Variants in SNX2 observed in about 807,000 individuals in gnomAD.
SNX2 encodes the protein sorting nexin-2.
SNX2 carries 25 observed loss-of-function variants against 69.9 expected under a neutral mutation model. That is an observed-to-expected ratio of 0.36 (90% CI 0.26 to 0.50). The LOEUF is 0.50. SNX2 is among the 20% of genes least tolerant of loss of function. The probability of loss-of-function intolerance (pLI) is 0.97; values close to 1 mark genes in which losing one functional copy is unlikely to be tolerated. For synonymous variants in SNX2, 229 were observed against 200.4 expected (o/e 1.14, Z -1.20); for missense variants, 551 against 613.3 (o/e 0.90, Z 1.07).
At chr5:122,785,046 G>T (rs750962118) in intron 1 of SNX2, among the ~76,000 whole-genome samples, 2 of 152,114 alleles carry the variant, frequency 1.3e-5, no homozygotes, top group Non-Finnish European at 2.9e-5. Context: ...TGTGGAGTCT[G>T]TGGATGGTAA....
chr5:122,809,885 A>C (rs1753730878), intron 7 of SNX2, among the ~76,000 whole-genome samples: 2 of 152,244 alleles, frequency 1.3e-5, no homozygotes. Context: ...GCAGTTACCC[A>C]GAAAAAGGAT....
At chr5:122,801,651 T>C (rs1321295856) in intron 3 of SNX2, among the ~76,000 whole-genome samples, 48 of 59,938 alleles carry the variant, frequency 8.0e-4, no homozygotes, top group Admixed American at 1.9e-4. Context: ...ATGGTCTTTT[T>C]CGTGTGTGTG....
intron 1 of SNX2, among the ~76,000 whole-genome samples, chr5:122,778,693 A>G (rs1411874411): frequency 6.6e-6 from 1 of 151,974 alleles, no homozygotes; most frequent in African/African-American, 2.4e-5. Flanking sequence ...TTTAATAGCT[A>G]TTCTGACTGC....
At chr5:122,809,138 TAAC>T (rs1753715060) in intron 7 of SNX2, among the ~76,000 whole-genome samples, 1 of 152,164 alleles carries the variant, frequency 6.6e-6, no homozygotes, top group Non-Finnish European at 1.5e-5. Flanking sequence ...CAATACAGCT[TAAC>T]AACTGTTTTC....
intron 6 of SNX2, among the ~76,000 whole-genome samples, chr5:122,806,113 C>CGTGTGTGTGT (rs767764868): frequency 0.25 from 29,339 of 117,342 alleles, 3,406 homozygotes; most frequent in East Asian, 0.52. Context: ...TGTGTGTGTG[C>CGTGTGTGTGT]GTGTGTGTAT....
At chr5:122,813,542 G>C (rs1047858707) in intron 7 of SNX2, among the ~76,000 whole-genome samples, 4 of 151,876 alleles carry the variant, frequency 2.6e-5, no homozygotes, top group African/African-American at 9.7e-5. Flanking sequence ...TTAAACTAGG[G>C]TTATTTTCTG....
At chr5:122,797,656 C>T (rs566011830) in intron 2 of SNX2, among the ~76,000 whole-genome samples, 5 of 152,140 alleles carry the variant, frequency 3.3e-5, no homozygotes, top group Non-Finnish European at 4.4e-5. Context: ...TTTGTCCCTC[C>T]TATACCAGAG....
Position 122,816,974 on chromosome 5 carries a change from C to A in SNX2, c.858C>A (p.Asn286Lys). 6.2e-7 allele frequency: 1 copy of A among 1,613,842 alleles called. No individual in the cohort carries two copies. Among genetic ancestry groups the A allele is most frequent in the Non-Finnish European group, 8.5e-7 (1 of 1,179,848 alleles). Residue 286 changes from asparagine (N) to lysine (K), a missense_variant, in exon 9 of 15, where the codon AAC (asparagine) becomes AAA (lysine). By Grantham distance (94) the Asn-to-Lys change is moderately conservative. Coordinates refer to ENST00000379516, the MANE Select transcript of SNX2 (RefSeq NM_003100.4). ...GAGCAGGAATATTGAGGATGGTGAA[C>A]AAGGCTGCCGACGCTGTCAACAAAA... ...LSGAGILRMVNKAADAVNKMT... is the reference protein window; with the variant it reads ...LSGAGILRMVKKAADAVNKMT...
intron 7 of SNX2, 93 bp from the exon 8 acceptor site, chr5:122,815,802 CT>C (rs529054858): frequency 9.7e-5 from 59 of 607,236 alleles, no homozygotes; most frequent in Middle Eastern, 4.3e-4. Context: ...AGTGAGGACA[CT>C]TTTTTTTCCT....
In SNX2 at chr5:122,815,930, C is replaced by G. The variant is rs1347239162; in HGVS notation, c.757C>G (p.Leu253Val). The G allele has an allele frequency of 6.2e-7, 1 of 1,602,808 alleles. No homozygotes were observed. Among genetic ancestry groups the G allele is most frequent in the Non-Finnish European group, 8.5e-7 (1 of 1,173,732 alleles). Residue 253 changes from leucine to valine, a missense_variant, in exon 8 of 15, where the codon CTA becomes GTA. By Grantham distance (32) the Leu-to-Val change is conservative. Around this residue, in one of 2 missense-constraint regions of SNX2, gnomAD observed 360 missense variants for 450.4 expected, o/e 0.80. Transcript: ENST00000379516. ...LQRTVKHPTLLQDPDLRQFLE... is the reference protein window; with the variant it reads ...LQRTVKHPTLVQDPDLRQFLE... ...AAGAACAGTAAAACATCCAACTTTA[C>G]TACAGGATCCTGATTTAAGGCAGTT... is the stretch of plus-strand genomic sequence containing the variant.
At chr5:122,828,485 A>G (rs890242440) in intron 14 of SNX2, among the ~76,000 whole-genome samples, 3 of 151,744 alleles carry the variant, frequency 2.0e-5, no homozygotes, top group Admixed American at 1.3e-4. Flanking sequence ...AGCTAATTCT[A>G]TCCAGTCCTT....
chr5:122,827,046 T>C (rs1754164437), intron 12 of SNX2, among the ~76,000 whole-genome samples: 2 of 152,104 alleles, frequency 1.3e-5, no homozygotes, highest in South Asian at 4.1e-4. Flanking sequence ...AAAATTACAC[T>C]ATAGCACTGA....
chr5:122,822,520 T>A (rs1385859899), intron 11 of SNX2, among the ~76,000 whole-genome samples: 1 of 152,222 alleles, frequency 6.6e-6, no homozygotes, highest in Non-Finnish European at 1.5e-5. Flanking sequence ...CTGATGATAG[T>A]TCTTCAAATT....
intron 2 of SNX2, 54 bp downstream of exon 2, chr5:122,795,437 T>TC: frequency 1.6e-6 from 2 of 1,212,156 alleles, no homozygotes; most frequent in Non-Finnish European, 2.4e-6. Flanking sequence ...ATATTTTCTA[T>TC]TAGATAGAAA....
chr5:122,782,185 A>T (rs1001711065), intron 1 of SNX2, among the ~76,000 whole-genome samples: 1 of 152,106 alleles, frequency 6.6e-6, no homozygotes, highest in Non-Finnish European at 1.5e-5. Context: ...TGTACATACC[A>T]TCTGAATATT....
At chr5:122,806,346 G>A (rs1753657534) in intron 6 of SNX2, among the ~76,000 whole-genome samples, 1 of 152,022 alleles carries the variant, frequency 6.6e-6, no homozygotes, top group African/African-American at 2.4e-5. Context: ...ATTAATCTTT[G>A]AACTTCTAAT....
chr5:122,794,859 T>A (rs564631272), intron 1 of SNX2, among the ~76,000 whole-genome samples: 40 of 151,576 alleles, frequency 2.6e-4, no homozygotes, highest in African/African-American at 9.7e-4. Context: ...CTACAAAAAA[T>A]AAATAAATAA....
At chr5:122,790,574 A>T (rs887866031) in intron 1 of SNX2, among the ~76,000 whole-genome samples, 1 of 152,158 alleles carries the variant, frequency 6.6e-6, no homozygotes, top group Admixed American at 6.5e-5. Context: ...ACCAACCAAG[A>T]TGGAAGCCAC....
chr5:122,805,259 C>G (rs1753612582), intron 6 of SNX2, among the ~76,000 whole-genome samples: 1 of 147,582 alleles, frequency 6.8e-6, no homozygotes, highest in South Asian at 2.1e-4. Context: ...CCATTGCACT[C>G]CAGGCTGGGC....
Sources: allele counts gnomAD v4.1 joint callset (sites outside exome capture counted in the v4.1 genomes callset), GRCh38; gene constraint gnomAD v4.1.1; regional missense constraint gnomAD v4.1.1; transcripts MANE v1.5; gene names NCBI Gene and HGNC (gene_info 2026-07-23, HGNC 2026-07-21).